ACOX1: variants seen among roughly 807,000 people sequenced by gnomAD.
ACOX1 encodes the protein peroxisomal acyl-coenzyme A oxidase 1.
A neutral mutation model predicts 75.5 loss-of-function variants in ACOX1; 41 were observed. The observed-to-expected ratio is 0.54, with a 90% CI of 0.42 to 0.70. ACOX1 has a LOEUF of 0.70. ACOX1 is among the 30% of genes least tolerant of loss of function. ACOX1 has a pLI of 0.00. For missense variants in ACOX1, 630 were observed against 837.5 expected (o/e 0.75, Z 3.06); for synonymous variants, 303 against 298.8 (o/e 1.01, Z -0.15).
chr17:75,978,931 G>A lies in ACOX1; in HGVS notation c.109+34C>T. ...ATCGAGGGAGTCTCCAGCTTTTCTC[G>A]GGAAAGGAGGGAGGTCTCGCCCGCC... is the stretch of plus-strand genomic sequence containing the variant. On this transcript the variant is annotated intron_variant, in intron 1 of 13. Coordinates refer to ENST00000293217, the MANE Select transcript of ACOX1 (RefSeq NM_004035.7). The surrounding 1 kb of genome is among the most constrained non-coding windows in gnomAD (Gnocchi z 4.2). 6.2e-7 allele frequency: 1 copy of A among 1,606,726 alleles called. No individual in the cohort carries two copies. The highest frequency in any genetic ancestry group is 8.5e-7 in the Non-Finnish European group (1 of 1,179,508).
At position 75,949,319 on chromosome 17, in the gene ACOX1, T is replaced by G. The variant is rs2065751645; in HGVS notation, c.1626A>C (p.Lys542Asn). Residue 542 changes from lysine to asparagine, a missense_variant, in exon 12 of 14, where the codon AAA becomes AAC. Coordinates refer to ENST00000293217, the MANE Select transcript of ACOX1 (RefSeq NM_004035.7). The part of the protein sequence containing the change: ...HYVVVKLFSE[K>N]LLKIQDKAIQ... Reference sequence around the variant, plus strand: ...TGGCTTTATCTTGAATTTTGAGGAGTTTTTCTGAAAAGAGCTTAACTACCA... The same window carrying G: ...TGGCTTTATCTTGAATTTTGAGGAGGTTTTCTGAAAAGAGCTTAACTACCA... 1 of 1,613,486 alleles carries G rather than the reference T, an allele frequency of 6.2e-7. No individual in the cohort carries two copies. The highest frequency in any genetic ancestry group is 1.1e-5 in the South Asian group (1 of 91,036).
At position 75,944,269 on chromosome 17, in the gene ACOX1, G is replaced by A. The variant is rs1171704518; in HGVS notation, c.*2479C>T. 6.6e-6 allele frequency: 1 copy of A among 152,132 alleles called. No individual in the cohort carries two copies. The highest frequency in any genetic ancestry group is 1.9e-4 in the East Asian group (1 of 5,202). The allele number at this position is 152,132 out of a possible 1,614,324, so 9.4% of individuals were successfully genotyped here. A position where few individuals can be genotyped will look rare whatever the true frequency, so the allele number is the denominator to read the frequency against. On this transcript the variant is annotated 3_prime_UTR_variant, in exon 14 of 14. Transcript: ENST00000293217. ...ATAAAATTCCTACTCAGTAATTTTG[G>A]AGAAGACAAGGTTAAAATGTATCTT... is the stretch of plus-strand genomic sequence containing the variant.
At chr17:75,958,024 T>A (rs2065848866) in intron 3 of ACOX1, among the ~76,000 whole-genome samples, 1 of 152,094 alleles carries the variant, frequency 6.6e-6, no homozygotes, top group Non-Finnish European at 1.5e-5. Context: ...TGAGATAACA[T>A]GTGAGAGGAA....
In ACOX1 at chr17:75,954,993, G is replaced by A. The variant is rs185278953; in HGVS notation, c.774+573C>T. Among the ~76,000 whole-genome samples the A allele has an allele frequency of 6.0e-3, 906 of 152,116 alleles. 8 individuals carry two copies. Among genetic ancestry groups the A allele is most frequent in the African/African-American group, 0.02 (841 of 41,500 alleles). ...AGCTATTCTCCTGCCTCAGCCTCCTGAGTAGCTGGGACTACAGGTGCGCAC... is the reference window on the plus strand; with the variant it reads ...AGCTATTCTCCTGCCTCAGCCTCCTAAGTAGCTGGGACTACAGGTGCGCAC... On this transcript the variant is annotated intron_variant, in intron 6 of 13. Coordinates refer to ENST00000293217, the MANE Select transcript of ACOX1 (RefSeq NM_004035.7).
chr17:75,973,591 G>A (rs1158716199), intron 2 of ACOX1: 1 of 1,612,724 alleles, frequency 6.2e-7, no homozygotes, highest in Non-Finnish European at 8.5e-7. Flanking sequence ...ATGTCCTGAG[G>A]TGGGTTACCC....
In ACOX1 at chr17:75,946,591, T is replaced by C. The variant is rs2065722186; in HGVS notation, c.*157A>G. On this transcript the variant is annotated 3_prime_UTR_variant, in exon 14 of 14. Coordinates refer to ENST00000293217, the MANE Select transcript of ACOX1 (RefSeq NM_004035.7). The stretch of plus-strand genomic sequence containing the variant: ...CACTTAAAACATCTGCTTTTTTTCA[T>C]TTAATCTCTGAAATCTGTTCATTTT... 4.3e-6 allele frequency: 3 copies of C among 692,136 alleles called. 1 individual carries two copies. The highest frequency in any genetic ancestry group is 3.2e-5 in the South Asian group (2 of 63,016). 42.9% of individuals were successfully genotyped at this position (692,136 alleles called of 1,614,324 possible). A position where few individuals can be genotyped will look rare whatever the true frequency, so the allele number is the denominator to read the frequency against.
Position 75,950,307 on chromosome 17 carries a change from G to A in ACOX1, c.1299-410C>T, listed in dbSNP as rs183976740. Among the ~76,000 whole-genome samples the A allele has an allele frequency of 1.3e-3, 201 of 149,908 alleles. No homozygotes were observed. Among genetic ancestry groups the A allele is most frequent in the Non-Finnish European group, 2.6e-3 (175 of 67,702 alleles). ...GTTGCCCAGGATGGAGTGCAATAGC[G>A]CAATCTTGGCTCACTGCAACCTCCG... is the stretch of plus-strand genomic sequence containing the variant. On this transcript the variant is annotated intron_variant, in intron 9 of 13. Coordinates refer to ENST00000293217, the MANE Select transcript of ACOX1 (RefSeq NM_004035.7). This position sits in a 1 kb window ranked among gnomAD's most constrained non-coding sequence, Gnocchi z 4.3.
rs35863579 is a variant in ACOX1 at position 75,960,910 on chromosome 17, G to A, written c.270-535C>T. 0.14 allele frequency among the ~76,000 whole-genome samples: 21,712 copies of A among 152,026 alleles called. 1,981 individuals carry two copies. Among genetic ancestry groups the A allele is most frequent in the East Asian group, 0.25 (1,264 of 5,156 alleles). On this transcript the variant is annotated intron_variant, in intron 2 of 13. Transcript: ENST00000293217. The surrounding 1 kb of genome is among the most constrained non-coding windows in gnomAD (Gnocchi z 4.4). ...GGAAAATCGCTTGAACCTAGGAGGCGGAGGTTGCAGTGAGCCGAGATCATG... is the reference window on the plus strand; with the variant it reads ...GGAAAATCGCTTGAACCTAGGAGGCAGAGGTTGCAGTGAGCCGAGATCATG...
At chr17:75,965,156 C>T (rs941679065) in intron 2 of ACOX1, among the ~76,000 whole-genome samples, 9 of 151,702 alleles carry the variant, frequency 5.9e-5, no homozygotes, top group Non-Finnish European at 1.3e-4. Flanking sequence ...GCTAACACGG[C>T]GAAACCCCAT....
chr17:75,979,008 G>A lies in ACOX1; in HGVS notation c.66C>T (p.Ile22=). The A allele has an allele frequency of 6.2e-7, 1 of 1,612,154 alleles. No individual in the cohort carries two copies. Among genetic ancestry groups the A allele is most frequent in the Non-Finnish European group, 8.5e-7 (1 of 1,180,024 alleles). The part of the protein sequence containing the change: ...ASFNPELLTH[I]LDGSPEKTRR... ...GGGTTTTCTCGGGGCTGCCGTCCAGGATGTGTGTAAGCAGCTCCGGGTTGA... is the reference window on the plus strand; with the variant it reads ...GGGTTTTCTCGGGGCTGCCGTCCAGAATGTGTGTAAGCAGCTCCGGGTTGA... The change falls in exon 1 of 14, where the codon ATC becomes ATT. Residue 22 remains isoleucine, a synonymous_variant. Transcript: ENST00000293217.
chr17:75,970,901 A>C (rs2065987654), intron 2 of ACOX1, among the ~76,000 whole-genome samples: 1 of 152,364 alleles, frequency 6.6e-6, no homozygotes, highest in East Asian at 1.9e-4. Flanking sequence ...GAACAGCAAT[A>C]TGAATTAGCA....
intron 2 of ACOX1, among the ~76,000 whole-genome samples, chr17:75,974,170 G>C (rs2066022975): frequency 6.6e-6 from 1 of 150,798 alleles, no homozygotes; most frequent in Non-Finnish European, 1.5e-5. Flanking sequence ...CTTTATTTAG[G>C]TTTTACCTGT....
At chr17:75,968,574 C>A (rs2065962728) in intron 2 of ACOX1, among the ~76,000 whole-genome samples, 1 of 147,116 alleles carries the variant, frequency 6.8e-6, no homozygotes. Context: ...CCACTGCACT[C>A]CAGCCTGGGC....
intron 7 of ACOX1, chr17:75,953,208 A>G (rs1273858398): frequency 2.5e-6 from 1 of 402,166 alleles, no homozygotes; most frequent in African/African-American, 2.0e-5. Context: ...AAAAGTTAAA[A>G]ATAATAAGGT....
Position 75,957,576 on chromosome 17 carries a change from T to TAAA in ACOX1, c.431-13_431-11dup. The stretch of plus-strand genomic sequence containing the variant: ...CCTCGAAGGTGAGTTCCTAAGGAGA[T>TAAA]AAATTACATTGACTTCAGTTAAGAG... On this transcript the variant is annotated splice_polypyrimidine_tract_variant and intron_variant, in intron 3 of 13. Coordinates refer to ENST00000293217, the MANE Select transcript of ACOX1 (RefSeq NM_004035.7). 2 of 1,607,138 alleles carry TAAA rather than the reference T, an allele frequency of 1.2e-6. No homozygotes were observed. The highest frequency in any genetic ancestry group is 1.7e-6 in the Non-Finnish European group (2 of 1,173,784).
chr17:75,949,346 A>G lies in ACOX1; in HGVS notation c.1599T>C (p.Tyr533=). The change falls in exon 12 of 14, where the codon TAT becomes TAC. Residue 533 remains tyrosine, a synonymous_variant. Transcript: ENST00000293217. The part of the protein sequence containing the change: ...LVRASEAHCH[Y]VVVKLFSEKL... ...TTTCTGAAAAGAGCTTAACTACCAC[A>G]TAGTGGCAATGTGCCTAAGATTAAA... is the stretch of plus-strand genomic sequence containing the variant. The G allele has an allele frequency of 6.2e-7, 1 of 1,614,198 alleles. No individual in the cohort carries two copies. The highest frequency in any genetic ancestry group is 8.5e-7 in the Non-Finnish European group (1 of 1,180,044).
At chr17:75,956,967 CTCTCTATATATA>C (rs2065836275) in intron 4 of ACOX1, among the ~76,000 whole-genome samples, 15 of 11,044 alleles carry the variant, frequency 1.4e-3, no homozygotes, top group African/African-American at 1.6e-3. Flanking sequence ...CTCTCTCTCT[CTCTCTATATATA>C]TATATATATA....
intron 2 of ACOX1, among the ~76,000 whole-genome samples, chr17:75,962,684 T>C (rs1362883478): frequency 6.6e-6 from 1 of 152,164 alleles, no homozygotes; most frequent in East Asian, 1.9e-4. Context: ...TCAAAGTATG[T>C]GTGACTGAAT....
intron 2 of ACOX1, among the ~76,000 whole-genome samples, chr17:75,961,660 T>G (rs2065889495): frequency 6.7e-6 from 1 of 150,256 alleles, no homozygotes; most frequent in African/African-American, 2.5e-5. Flanking sequence ...TCCAAGCTAC[T>G]TGGGAGACTG....
Sources: allele counts gnomAD v4.1 joint callset (sites outside exome capture counted in the v4.1 genomes callset), GRCh38; gene constraint gnomAD v4.1.1; non-coding constraint Gnocchi (gnomAD v3.1); transcripts MANE v1.5; gene names NCBI Gene and HGNC (gene_info 2026-07-23, HGNC 2026-07-21).